SDC3: variants seen among roughly 807,000 people sequenced by gnomAD.
The protein encoded by SDC3 is syndecan-3.
Under a neutral mutation model 24.4 loss-of-function variants are expected in SDC3, and 13 were observed. That is an observed-to-expected ratio of 0.53 (90% CI 0.35 to 0.85). SDC3 has a LOEUF of 0.85. Ranked by LOEUF, SDC3 falls within the 40% of genes least tolerant of loss-of-function variation. The pLI is 0.01. For missense variants in SDC3, 571 were observed against 584.5 expected (o/e 0.98, Z 0.24); for synonymous variants, 295 against 260.9 (o/e 1.13, Z -1.26).
intron 3 of SDC3, among the ~76,000 whole-genome samples, chr1:30,876,166 G>A (rs1342974507): frequency 3.3e-5 from 5 of 152,146 alleles, no homozygotes; most frequent in Admixed American, 3.3e-4. Context: ...AGGAAGCGGA[G>A]GTATAGAAAT....
Position 30,902,964 on chromosome 1 carries a change from A to G in SDC3, c.138+5485T>C, listed in dbSNP as rs565485873. Reference sequence around the variant, plus strand: ...CTCATTCATTCATTCATTCCTTTGAATCATTCACTCGAGCCTGCACCAAGC... The same window carrying G: ...CTCATTCATTCATTCATTCCTTTGAGTCATTCACTCGAGCCTGCACCAAGC... On this transcript the variant is annotated intron_variant, in intron 1 of 4. Transcript: ENST00000339394. Among the ~76,000 whole-genome samples, 17 of 152,304 alleles carry G rather than the reference A, an allele frequency of 1.1e-4. No homozygotes were observed. The East Asian group carries it at 2.5e-3, about 22-fold the overall frequency.
intron 1 of SDC3, among the ~76,000 whole-genome samples, chr1:30,883,614 A>C (rs1237152394): frequency 1.3e-5 from 2 of 152,200 alleles, no homozygotes; most frequent in African/African-American, 2.4e-5. Context: ...GAGCCGTATA[A>C]GGCTTTGTCT....
chr1:30,879,029 C>T (rs1188730130), intron 1 of SDC3: 6 of 357,054 alleles, frequency 1.7e-5, no homozygotes, highest in African/African-American at 4.1e-5. Flanking sequence ...ATTGTGAAAA[C>T]TAAATTCAGT....
chr1:30,906,322 A>G (rs1281300180), intron 1 of SDC3, among the ~76,000 whole-genome samples: 1 of 151,098 alleles, frequency 6.6e-6, no homozygotes, highest in Non-Finnish European at 1.5e-5. Flanking sequence ...GCCCTCCCCC[A>G]GGCCCCACCC....
intron 1 of SDC3, among the ~76,000 whole-genome samples, chr1:30,894,557 G>A (rs1639969405): frequency 7.0e-6 from 1 of 143,528 alleles, no homozygotes; most frequent in Admixed American, 6.9e-5. Flanking sequence ...AGTGTGTGTG[G>A]GTGAGAGTGT....
At position 30,872,932 on chromosome 1, in the gene SDC3, C is replaced by A; in HGVS notation, c.*279G>T. On this transcript the variant is annotated 3_prime_UTR_variant, in exon 5 of 5. Transcript: ENST00000339394. ...AGCCAATCAGGAGCTTTCTTCCTCC[C>A]ATCCATCTGACATGAGGTCCTGAAG... 2.3e-6 allele frequency: 1 copy of A among 432,056 alleles called. No homozygotes were observed. Among genetic ancestry groups the A allele is most frequent in the Non-Finnish European group, 4.1e-6 (1 of 243,338 alleles). 26.8% of individuals were successfully genotyped at this position (432,056 alleles called of 1,614,324 possible). A position where few individuals can be genotyped will look rare whatever the true frequency, so the allele number is the denominator to read the frequency against.
chr1:30,898,021 T>A (rs1366104663), intron 1 of SDC3, among the ~76,000 whole-genome samples: 1 of 152,084 alleles, frequency 6.6e-6, no homozygotes, highest in South Asian at 2.1e-4. Flanking sequence ...AAAGCCCACC[T>A]TGTGAGCCAG....
chr1:30,884,003 G>A (rs931376525), intron 1 of SDC3, among the ~76,000 whole-genome samples: 3 of 152,120 alleles, frequency 2.0e-5, no homozygotes, highest in African/African-American at 7.2e-5. Context: ...AGGAATGTGG[G>A]CTGGGGCCAA....
In SDC3 at chr1:30,902,355, G is replaced by A. The variant is rs143723507; in HGVS notation, c.138+6094C>T. 2.0e-4 allele frequency among the ~76,000 whole-genome samples: 31 copies of A among 152,352 alleles called. No homozygotes were observed. The East Asian group carries it at 5.6e-3, about 27-fold the overall frequency. The stretch of plus-strand genomic sequence containing the variant: ...GACTGGGCTTGGCCAGTGGGGGAGG[G>A]GAGTGGCTGCCCCTCTGGCCATGGC... On this transcript the variant is annotated intron_variant, in intron 1 of 4. Transcript: ENST00000339394.
At chr1:30,894,280 TGG>T (rs1639954220) in intron 1 of SDC3, among the ~76,000 whole-genome samples, 1 of 129,420 alleles carries the variant, frequency 7.7e-6, no homozygotes, top group South Asian at 2.6e-4. Flanking sequence ...TGAGTGTGTG[TGG>T]GGGAGTGAGA....
chr1:30,909,332 G>A (rs1318588582), upstream of SDC3, among the ~76,000 whole-genome samples: 1 of 152,150 alleles, frequency 6.6e-6, no homozygotes, highest in East Asian at 1.9e-4. Context: ...CCATGGGGGT[G>A]GTCACTTCTG....
rs1369013635 is a variant in SDC3 at position 30,870,337 on chromosome 1, C to T, written c.*2874G>A. On this transcript the variant is annotated 3_prime_UTR_variant, in exon 5 of 5. Coordinates refer to ENST00000339394, the MANE Select transcript of SDC3 (RefSeq NM_014654.4). ...GGGCTCTCCAGGTCCTGGCCTGCCT[C>T]GTGCTCTGGCAGCCAAGGCCCCAGA... is the stretch of plus-strand genomic sequence containing the variant. The T allele has an allele frequency of 6.3e-6, 1 of 159,976 alleles. No homozygotes were observed. Among genetic ancestry groups the T allele is most frequent in the East Asian group, 1.8e-4 (1 of 5,636 alleles). 9.9% of individuals were successfully genotyped at this position (159,976 alleles called of 1,614,324 possible). A position where few individuals can be genotyped will look rare whatever the true frequency, so the allele number is the denominator to read the frequency against.
rs796780478 is a variant in SDC3 at position 30,906,282 on chromosome 1, CCCA to C, written c.138+2164_138+2166del. Among the ~76,000 whole-genome samples the C allele has an allele frequency of 4.7e-4, 71 of 152,284 alleles. 1 individual carries two copies. The highest frequency in any genetic ancestry group is 1.5e-3 in the African/African-American group (64 of 41,548). On this transcript the variant is annotated intron_variant, in intron 1 of 4. Transcript: ENST00000339394. ...GTGAGGCCTGGAGGACACTCCACTTCCCACCACCTCACCAGGCGCCCCAGTACC... is the reference window on the plus strand; with the variant it reads ...GTGAGGCCTGGAGGACACTCCACTTCCCACCTCACCAGGCGCCCCAGTACC...
Position 30,874,339 on chromosome 1 carries a change from G to T in SDC3, c.1120C>A (p.Leu374Met), listed in dbSNP as rs904566879. The T allele has an allele frequency of 1.9e-6, 3 of 1,613,236 alleles. No individual in the cohort carries two copies. The highest frequency in any genetic ancestry group is 1.7e-5 in the Admixed American group (1 of 60,012). Residue 374 changes from leucine to methionine, a missense_variant, in exon 4 of 5, where the codon CTG (leucine) becomes ATG (methionine). Physicochemically the swap from Leu to Met is conservative, Grantham distance 15. Coordinates refer to ENST00000339394, the MANE Select transcript of SDC3 (RefSeq NM_014654.4). The part of the protein sequence containing the change: ...AIDSGSSAAQ[L>M]PQKSILERKE... Reference sequence around the variant, plus strand: ...CGCTCCAGGATACTCTTCTGAGGCAGCTGAGCAGCTGAGCTGCCCGAGTCG... The same window carrying T: ...CGCTCCAGGATACTCTTCTGAGGCATCTGAGCAGCTGAGCTGCCCGAGTCG...
At chr1:30,879,076 A>C in intron 1 of SDC3, 1 of 225,628 alleles carries the variant, frequency 4.4e-6, no homozygotes, top group Non-Finnish European at 8.9e-6. Context: ...GAGCAGCCGC[A>C]ATGTTGGGCT....
At chr1:30,892,086 C>T (rs1021572372) in intron 1 of SDC3, among the ~76,000 whole-genome samples, 3 of 152,004 alleles carry the variant, frequency 2.0e-5, no homozygotes, top group African/African-American at 7.2e-5. Flanking sequence ...CTGCCAGCCC[C>T]TTCTCCACAC....
intron 2 of SDC3, 164 bp downstream of exon 2, chr1:30,878,459 C>A: frequency 1.6e-6 from 1 of 606,522 alleles, no homozygotes; most frequent in Non-Finnish European, 3.0e-6. Context: ...GAAGGATGTT[C>A]TGCCCTTCTT....
In SDC3 at chr1:30,874,526, C is replaced by G; in HGVS notation, c.933G>C (p.Gly311=). The change falls in exon 4 of 5, where the codon GGG becomes GGC. Residue 311 remains glycine, a synonymous_variant. Transcript: ENST00000339394. The stretch of plus-strand genomic sequence containing the variant: ...GCAGCTCGAAGTCTCCACTGGGCCC[C>G]CCACTCACCGGAACCTCTGGCTCAT... The part of the protein sequence containing the change: ...IRDEPEVPVS[G]GPSGDFELPE... 6.2e-7 allele frequency: 1 copy of G among 1,614,156 alleles called. No individual in the cohort carries two copies. The highest frequency in any genetic ancestry group is 8.5e-7 in the Non-Finnish European group (1 of 1,180,026).
Position 30,874,286 on chromosome 1 carries a change from C to G in SDC3, c.1162+11G>C. On this transcript the variant is annotated intron_variant, in intron 4 of 4. Transcript: ENST00000339394. ...TCCCAGGCTCCCCTTGGCCCAGACCCCAAGCCTCACCTACGAGCACCTCCT... is the reference window on the plus strand; with the variant it reads ...TCCCAGGCTCCCCTTGGCCCAGACCGCAAGCCTCACCTACGAGCACCTCCT... 3 of 1,596,946 alleles carry G rather than the reference C, an allele frequency of 1.9e-6. No individual in the cohort carries two copies. The highest frequency in any genetic ancestry group is 2.6e-6 in the Non-Finnish European group (3 of 1,172,008).
Sources: allele counts gnomAD v4.1 joint callset (sites outside exome capture counted in the v4.1 genomes callset), GRCh38; gene constraint gnomAD v4.1.1; transcripts MANE v1.5; gene names NCBI Gene and HGNC (gene_info 2026-07-23, HGNC 2026-07-21).